Variants in ITCH observed in about 807,000 individuals in gnomAD.
ITCH encodes itchy E3 ubiquitin protein ligase, also known as E3 ubiquitin-protein ligase Itchy homolog.
In ITCH, 28 loss-of-function variants were observed where a neutral mutation model predicts 126.8. That is an observed-to-expected ratio of 0.22 (90% CI 0.16 to 0.30). The LOEUF is 0.30. ITCH is among the 10% of genes least tolerant of loss of function. The pLI is 1.00. For synonymous variants in ITCH, 342 were observed against 340.0 expected (o/e 1.01, Z -0.06); for missense variants, 631 against 1,032.4 (o/e 0.61, Z 5.33).
chr20:34,494,148 T>C (rs1346557076), intron 23 of ITCH, among the ~76,000 whole-genome samples: 8 of 152,188 alleles, frequency 5.3e-5, no homozygotes, highest in Non-Finnish European at 2.9e-5. Context: ...GAGAATCGCT[T>C]GAACCCGGGA....
intron 7 of ITCH, among the ~76,000 whole-genome samples, chr20:34,430,769 C>T (rs1349019728): frequency 2.0e-5 from 3 of 152,120 alleles, no homozygotes; most frequent in East Asian, 3.9e-4. Context: ...TGAGTCACCA[C>T]GCCCAGCCTA....
At chr20:34,376,026 T>C (rs2123020691) in intron 2 of ITCH, among the ~76,000 whole-genome samples, 1 of 152,120 alleles carries the variant, frequency 6.6e-6, no homozygotes, top group Non-Finnish European at 1.5e-5. Context: ...AAATCAAGAT[T>C]TTGTAAGAAA....
chr20:34,410,474 T>A (rs964781868), intron 4 of ITCH, among the ~76,000 whole-genome samples: 1 of 152,188 alleles, frequency 6.6e-6, no homozygotes, highest in African/African-American at 2.4e-5. Flanking sequence ...TAAATGTTTC[T>A]TAGGCTTTCT....
intron 1 of ITCH, among the ~76,000 whole-genome samples, chr20:34,368,873 G>A (rs2037515981): frequency 1.3e-5 from 2 of 152,092 alleles, no homozygotes; most frequent in Admixed American, 6.6e-5. Flanking sequence ...CCAGATAGCC[G>A]TCATACTCAG....
At chr20:34,476,385 G>T (rs1988228382) in intron 16 of ITCH, 1 of 1,281,196 alleles carries the variant, frequency 7.8e-7, no homozygotes, top group Non-Finnish European at 9.9e-7. Flanking sequence ...CTCCAGCGCG[G>T]GACCCGGCGT....
At chr20:34,424,456 T>G (rs754719565) in intron 6 of ITCH, 24 bp from the exon 7 acceptor site, 1 of 1,601,414 alleles carries the variant, frequency 6.2e-7, no homozygotes, top group African/African-American at 1.3e-5. Flanking sequence ...AAACTCATTT[T>G]CTGTTTAAAC....
chr20:34,477,369 A>C (rs1179985211), intron 16 of ITCH, among the ~76,000 whole-genome samples: 1 of 152,178 alleles, frequency 6.6e-6, no homozygotes, highest in African/African-American at 2.4e-5. Context: ...CGTCTCTACT[A>C]AAAATACAAA....
intron 12 of ITCH, among the ~76,000 whole-genome samples, chr20:34,451,862 G>A (rs142509688): frequency 2.4e-4 from 36 of 152,212 alleles, no homozygotes; most frequent in South Asian, 6.2e-4. Context: ...GAGCCCGGGA[G>A]TTGGAGATCA....
Position 34,429,369 on chromosome 20 carries a change from A to T in ITCH, c.521+4844A>T, listed in dbSNP as rs1205841202. ...CCTCACACTTTACTAAAATAACTTA[A>T]ACTTATTAAAATAAATAAAATAAAC... On this transcript the variant is annotated intron_variant, in intron 7 of 24. Coordinates refer to ENST00000374864, the MANE Select transcript of ITCH (RefSeq NM_031483.7). Among the ~76,000 whole-genome samples, 4 of 152,312 alleles carry T rather than the reference A, an allele frequency of 2.6e-5. No homozygotes were observed. In the East Asian group the frequency reaches 5.8e-4, roughly 22 times the overall value.
intron 24 of ITCH, among the ~76,000 whole-genome samples, chr20:34,505,822 G>A (rs1358677115): frequency 6.6e-6 from 1 of 152,172 alleles, no homozygotes; most frequent in Non-Finnish European, 1.5e-5. Flanking sequence ...CCAAAGTCCT[G>A]GGATTACAGG....
chr20:34,473,295 T>C (rs1987822558), intron 16 of ITCH, among the ~76,000 whole-genome samples: 2 of 151,778 alleles, frequency 1.3e-5, no homozygotes, highest in Admixed American at 6.5e-5. Context: ...TATTAGACAT[T>C]TGTTAAAAGG....
At chr20:34,469,381 G>C (rs964406064) in intron 14 of ITCH, among the ~76,000 whole-genome samples, 1 of 151,900 alleles carries the variant, frequency 6.6e-6, no homozygotes, top group Non-Finnish European at 1.5e-5. Context: ...CTTGACCTCT[G>C]AGGTTCAAGT....
intron 1 of ITCH, among the ~76,000 whole-genome samples, chr20:34,365,636 C>T (rs560463755): frequency 3.3e-5 from 5 of 152,260 alleles, no homozygotes; most frequent in Admixed American, 2.6e-4. Flanking sequence ...AGGCTGCTCT[C>T]GAACTCCTGA....
intron 18 of ITCH, 96 bp downstream of exon 18, chr20:34,479,885 TG>T: frequency 1.7e-6 from 2 of 1,144,094 alleles, no homozygotes; most frequent in South Asian, 2.5e-5. Flanking sequence ...GAAAGGGAAG[TG>T]GTTTTTTGTT....
At chr20:34,399,700 G>T (rs1000929733) in intron 3 of ITCH, among the ~76,000 whole-genome samples, 1 of 151,856 alleles carries the variant, frequency 6.6e-6, no homozygotes, top group Non-Finnish European at 1.5e-5. Context: ...AATTAGCCAG[G>T]TGTGGTCATA....
At chr20:34,461,624 G>T (rs987508873) in intron 13 of ITCH, among the ~76,000 whole-genome samples, 1 of 149,866 alleles carries the variant, frequency 6.7e-6, no homozygotes, top group African/African-American at 2.5e-5. Flanking sequence ...CAGGAGAATC[G>T]CTTGAACCTG....
intron 14 of ITCH, among the ~76,000 whole-genome samples, chr20:34,464,436 C>T (rs1238254385): frequency 6.6e-6 from 1 of 151,346 alleles, no homozygotes; most frequent in African/African-American, 2.4e-5. Context: ...AAGCTATTCT[C>T]CTGCTTCAGC....
At chr20:34,475,391 G>A (rs868721769) in intron 16 of ITCH, among the ~76,000 whole-genome samples, 28 of 152,328 alleles carry the variant, frequency 1.8e-4, no homozygotes, top group Middle Eastern at 3.4e-3. Flanking sequence ...ACGAGACTCC[G>A]TCTGCAATCC....
At chr20:34,391,209 G>A (rs563287056) in intron 2 of ITCH, among the ~76,000 whole-genome samples, 1 of 152,238 alleles carries the variant, frequency 6.6e-6, no homozygotes, top group African/African-American at 2.4e-5. Flanking sequence ...AGTGATACAT[G>A]TCCTATTTTT....
Sources: gnomAD v4.1 joint callset for allele counts (sites outside exome capture counted in the v4.1 genomes callset) on GRCh38, gnomAD v4.1.1 for gene constraint, MANE v1.5 for transcripts, NCBI Gene and HGNC (gene_info 2026-07-23, HGNC 2026-07-21) for gene names.